Variants in DOCK8 observed in about 807,000 individuals in gnomAD.
DOCK8 encodes the protein dedicator of cytokinesis protein 8.
In DOCK8, 141 loss-of-function variants were observed where a neutral mutation model predicts 245.6. That is an observed-to-expected ratio of 0.57 (90% CI 0.50 to 0.66). DOCK8 has a LOEUF of 0.66. Among genes scored for constraint, DOCK8 ranks in the 30% least tolerant of loss-of-function variants. The probability of loss-of-function intolerance (pLI) is 0.00; values close to 1 mark genes in which losing one functional copy is unlikely to be tolerated. For missense variants in DOCK8, 2,965 were observed against 2,603.4 expected, an observed-to-expected ratio of 1.14 and a Z score of -3.02; for synonymous variants, 1,168 against 970.2, an observed-to-expected ratio of 1.20 and a Z score of -3.79.
At position 265,178 on chromosome 9, in the gene DOCK8, C is replaced by A. The variant is rs182627472; in HGVS notation, c.54-6449C>A. ...AACTCCTGACCGCAGGTGATCCACCCGCCTTGGCCTCCCAAAGTGCTGGGA... is the reference window on the plus strand; with the variant it reads ...AACTCCTGACCGCAGGTGATCCACCAGCCTTGGCCTCCCAAAGTGCTGGGA... On this transcript the variant is annotated intron_variant, in intron 1 of 47. Transcript: ENST00000432829. Among the ~76,000 whole-genome samples the A allele has an allele frequency of 1.7e-3, 254 of 152,290 alleles. 1 individual carries two copies. The highest frequency in any genetic ancestry group is 5.9e-3 in the African/African-American group (247 of 41,570).
At chr9:314,090 G>A (rs940292870) in intron 6 of DOCK8, among the ~76,000 whole-genome samples, 4 of 152,150 alleles carry the variant, frequency 2.6e-5, no homozygotes, top group African/African-American at 9.7e-5. Flanking sequence ...TAACTACAAA[G>A]TTCGTGTTCC....
intron 5 of DOCK8, among the ~76,000 whole-genome samples, chr9:308,108 G>A: frequency 6.6e-6 from 1 of 152,198 alleles, no homozygotes; most frequent in East Asian, 1.9e-4. Context: ...ATTATAGCTA[G>A]ATAGGAGGAA....
At chr9:282,338 G>C (rs529277229) in intron 2 of DOCK8, among the ~76,000 whole-genome samples, 1 of 151,340 alleles carries the variant, frequency 6.6e-6, no homozygotes, top group Non-Finnish European at 1.5e-5. Context: ...AACAGGGGCC[G>C]TTATCAGCCA....
chr9:317,308 C>T (rs2050389536), intron 7 of DOCK8, among the ~76,000 whole-genome samples, 180 bp downstream of exon 7: 2 of 152,016 alleles, frequency 1.3e-5, no homozygotes, highest in African/African-American at 4.8e-5. Flanking sequence ...TTTTTTCTAC[C>T]AACTTCTTGA....
At chr9:420,090 C>G in intron 30 of DOCK8, 1 of 424,864 alleles carries the variant, frequency 2.4e-6, no homozygotes. Flanking sequence ...CACGCATGAT[C>G]AAGGCCCAGG....
intron 2 of DOCK8, among the ~76,000 whole-genome samples, chr9:277,376 G>T (rs1272137455): frequency 6.6e-6 from 1 of 151,558 alleles, no homozygotes; most frequent in Non-Finnish European, 1.5e-5. Flanking sequence ...AGTGAGCCAT[G>T]ATTGAGCCAC....
chr9:222,220 G>A (rs1370067908), intron 1 of DOCK8, among the ~76,000 whole-genome samples: 3 of 151,348 alleles, frequency 2.0e-5, no homozygotes, highest in African/African-American at 4.9e-5. Context: ...CTATGATTGC[G>A]CCACTACTCT....
intron 14 of DOCK8, among the ~76,000 whole-genome samples, chr9:362,771 G>C (rs988850102): frequency 2.0e-5 from 3 of 148,574 alleles, no homozygotes; most frequent in African/African-American, 7.3e-5. Flanking sequence ...ATGTCATCTT[G>C]GGAATAATTA....
rs746720608 is a variant in DOCK8, at chr9:372,276, A to G, written c.2099A>G (p.His700Arg). The G allele has an allele frequency of 6.2e-6, 10 of 1,613,614 alleles. No homozygotes were observed. Among genetic ancestry groups the G allele is most frequent in the African/African-American group, 2.7e-5 (2 of 74,924 alleles). ...AAATTGCCACCCAACTACTCCATGC[A>G]TTCTGCTGAGGTAATTGGCAAGCTG... ...LEKLPPNYSM[H>R]SAEKVPLQNP... Residue 700 changes from histidine (H) to arginine (R), a missense_variant, in exon 18 of 48, where the codon CAT becomes CGT. Around this residue, in one of 3 missense-constraint regions of DOCK8, gnomAD observed 2,825 missense variants for 2,453.5 expected, o/e 1.15. Transcript: ENST00000432829.
chr9:308,605 T>G (rs548711615), intron 5 of DOCK8, among the ~76,000 whole-genome samples: 1 of 152,242 alleles, frequency 6.6e-6, no homozygotes, highest in African/African-American at 2.4e-5. Flanking sequence ...ATTGCAAAAC[T>G]TCCTTTTTCA....
rs2050015928 is a variant in DOCK8, at chr9:309,761, TA to T, written c.529-2191del. 2.6e-5 allele frequency among the ~76,000 whole-genome samples: 4 copies of T among 152,340 alleles called. No individual in the cohort carries two copies. The South Asian group carries it at 8.3e-4, about 32-fold the overall frequency. On this transcript the variant is annotated intron_variant, in intron 5 of 47. Transcript: ENST00000432829. ...ACTCCCACATCGACCTTTGGAAGCA[TA>T]ACATTCAGCTTTGGTGTCTATACAC...
chr9:413,702 A>G (rs1420594790), intron 28 of DOCK8, among the ~76,000 whole-genome samples: 3 of 152,224 alleles, frequency 2.0e-5, no homozygotes, highest in Non-Finnish European at 4.4e-5. Context: ...ACAATTAAAT[A>G]CCACTTGATA....
intron 1 of DOCK8, among the ~76,000 whole-genome samples, chr9:266,609 A>G (rs184688768): frequency 3.7e-4 from 56 of 152,292 alleles, no homozygotes; most frequent in African/African-American, 1.3e-3. Context: ...TGCAAGCTCT[A>G]CGCTATGATT....
intron 1 of DOCK8, among the ~76,000 whole-genome samples, chr9:254,254 A>G (rs2047717647): frequency 6.6e-6 from 1 of 152,206 alleles, no homozygotes; most frequent in Admixed American, 6.5e-5. Flanking sequence ...TTTGATACAG[A>G]TTAAGATTTC....
intron 1 of DOCK8, among the ~76,000 whole-genome samples, chr9:225,341 G>A (rs1268892499): frequency 6.6e-6 from 1 of 152,170 alleles, no homozygotes; most frequent in African/African-American, 2.4e-5. Context: ...CTGAAGGGAG[G>A]TGACTCACAG....
At chr9:441,756 T>A (rs1587062591) in intron 41 of DOCK8, 119 bp from the exon 42 acceptor site, 1 of 1,306,268 alleles carries the variant, frequency 7.7e-7, no homozygotes, top group East Asian at 2.3e-5. Flanking sequence ...AATTTCTGTT[T>A]ACATCAGCCA....
chr9:262,465 T>C (rs7049200), intron 1 of DOCK8, among the ~76,000 whole-genome samples: 2,396 of 69,004 alleles, frequency 0.035, 202 homozygotes, highest in African/African-American at 0.092. Flanking sequence ...AACCATGTTA[T>C]ATCCATACAA....
intron 40 of DOCK8, 141 bp downstream of exon 40, chr9:439,529 C>A: frequency 1.8e-6 from 2 of 1,109,972 alleles, no homozygotes; most frequent in Non-Finnish European, 2.6e-6. Flanking sequence ...AGGGGATGGG[C>A]CCGGGGAGGA....
chr9:339,887 C>G (rs763743390), intron 13 of DOCK8, among the ~76,000 whole-genome samples: 8 of 152,150 alleles, frequency 5.3e-5, no homozygotes, highest in Non-Finnish European at 1.0e-4. Flanking sequence ...TAAAATTATA[C>G]TGTGGTAATT....
Sources: allele counts gnomAD v4.1 joint callset (sites outside exome capture counted in the v4.1 genomes callset), GRCh38; gene constraint gnomAD v4.1.1; regional missense constraint gnomAD v4.1.1; transcripts MANE v1.5; gene names NCBI Gene and HGNC (gene_info 2026-07-23, HGNC 2026-07-21).